The following PDE7B variants were observed in gnomAD, a reference collection of about 807,000 sequenced individuals.
The protein encoded by PDE7B is phosphodiesterase 7B.
Under a neutral mutation model 56.2 loss-of-function variants are expected in PDE7B, and 29 were observed. That is an observed-to-expected ratio of 0.52 (90% CI 0.38 to 0.70). The LOEUF is 0.70. PDE7B is among the 30% of genes least tolerant of loss of function. The pLI is 0.00. For synonymous variants in PDE7B, 197 were observed against 196.9 expected, an observed-to-expected ratio of 1.00 and a Z score of 0.00; for missense variants, 490 against 565.0, an observed-to-expected ratio of 0.87 and a Z score of 1.35.
intron 2 of PDE7B, among the ~76,000 whole-genome samples, chr6:136,103,086 C>T (rs539939354): frequency 8.5e-5 from 13 of 152,250 alleles, no homozygotes; most frequent in African/African-American, 2.9e-4. Flanking sequence ...TGCCTCTTTC[C>T]TACATACAAA....
chr6:135,928,453 TTATA>T (rs1171803694), intron 1 of PDE7B, among the ~76,000 whole-genome samples: 1 of 105,266 alleles, frequency 9.5e-6, no homozygotes, highest in Non-Finnish European at 1.9e-5. Flanking sequence ...ATATATTTAT[TTATA>T]TATATATTTA....
chr6:136,168,236 G>A (rs1276942794), intron 8 of PDE7B, among the ~76,000 whole-genome samples: 1 of 152,140 alleles, frequency 6.6e-6, no homozygotes, highest in African/African-American at 2.4e-5. Context: ...GAAAGGAGAG[G>A]TAAAGGTATT....
At chr6:136,076,010 A>G (rs1777122756) in intron 2 of PDE7B, among the ~76,000 whole-genome samples, 2 of 152,214 alleles carry the variant, frequency 1.3e-5, no homozygotes, top group Admixed American at 1.3e-4. Context: ...CTTTGATAGA[A>G]TAACAGTAAA....
chr6:136,060,161 C>T (rs1242832008), intron 2 of PDE7B, among the ~76,000 whole-genome samples: 1 of 152,228 alleles, frequency 6.6e-6, no homozygotes, highest in East Asian at 1.9e-4. Context: ...CCTCCTTCTT[C>T]TTTAGCTAAT....
chr6:135,947,148 TAATA>T (rs1452681486), intron 1 of PDE7B, among the ~76,000 whole-genome samples: 4 of 152,124 alleles, frequency 2.6e-5, no homozygotes, highest in African/African-American at 4.8e-5. Context: ...TTATTGGGCC[TAATA>T]GATTGCATAT....
chr6:136,098,786 T>TA lies in PDE7B; in HGVS notation c.83-9945_83-9944insA, dbSNP rs1180853617. Among the ~76,000 whole-genome samples the TA allele has an allele frequency of 7.9e-5, 12 of 152,052 alleles. No homozygotes were observed. In the East Asian group the frequency reaches 1.2e-3, roughly 15 times the overall value. On this transcript the variant is annotated intron_variant, in intron 2 of 12. Coordinates refer to ENST00000308191, the MANE Select transcript of PDE7B (RefSeq NM_018945.4). ...TCCTCACCTACTTTTCTTTTTTTTT[T>TA]TTATTATTCTTAAAGTTCTAGGGTA...
intron 3 of PDE7B, among the ~76,000 whole-genome samples, chr6:136,142,720 T>C (rs1020733438): frequency 1.2e-4 from 19 of 152,208 alleles, no homozygotes; most frequent in Non-Finnish European, 2.2e-4. Context: ...TTTCTTTGTC[T>C]CTTTTGATCT....
chr6:136,155,508 G>C (rs1318429586), intron 7 of PDE7B, 119 bp from the exon 8 acceptor site: 1 of 808,906 alleles, frequency 1.2e-6, no homozygotes, highest in Admixed American at 2.3e-5. Context: ...AAGGGTAAAG[G>C]TCTGGCTGAT....
At chr6:136,052,544 G>C (rs1314379059) in intron 2 of PDE7B, among the ~76,000 whole-genome samples, 1 of 151,908 alleles carries the variant, frequency 6.6e-6, no homozygotes, top group Non-Finnish European at 1.5e-5. Context: ...CCATGGAAGA[G>C]TGCAGCCATG....
intron 2 of PDE7B, among the ~76,000 whole-genome samples, chr6:136,083,638 G>C (rs971237728): frequency 6.6e-6 from 1 of 152,146 alleles, no homozygotes; most frequent in African/African-American, 2.4e-5. Context: ...GTTTGGAAAA[G>C]ATATTTTGAA....
intron 2 of PDE7B, among the ~76,000 whole-genome samples, chr6:135,998,653 G>A (rs1204611129): frequency 1.3e-5 from 2 of 152,150 alleles, no homozygotes; most frequent in Non-Finnish European, 2.9e-5. Flanking sequence ...CTACTCAGGA[G>A]GCTGAGGCAG....
At chr6:135,961,595 G>A (rs1774903728) in intron 2 of PDE7B, among the ~76,000 whole-genome samples, 2 of 152,022 alleles carry the variant, frequency 1.3e-5, no homozygotes, top group Non-Finnish European at 2.9e-5. Flanking sequence ...GATTATCCAT[G>A]AGCATTAAAG....
rs1583862449 is a variant in PDE7B, at chr6:136,067,972, A to G, written c.83-40759A>G. 3.9e-5 allele frequency among the ~76,000 whole-genome samples: 6 copies of G among 152,356 alleles called. No homozygotes were observed. The East Asian group carries it at 1.2e-3, about 29-fold the overall frequency. On this transcript the variant is annotated intron_variant, in intron 2 of 12. Transcript: ENST00000308191. ...GAATTTCTGGTTCTTGATTTCCTTCAGAAGAAAAAAATGAAATGCCACCTG... is the reference window on the plus strand; with the variant it reads ...GAATTTCTGGTTCTTGATTTCCTTCGGAAGAAAAAAATGAAATGCCACCTG...
chr6:136,169,526 G>A (rs1008270631), intron 8 of PDE7B, among the ~76,000 whole-genome samples: 1 of 152,096 alleles, frequency 6.6e-6, no homozygotes, highest in African/African-American at 2.4e-5. Flanking sequence ...CCATGCTTAA[G>A]GCCATCTTCC....
At chr6:135,890,124 T>C (rs1775785210) in intron 1 of PDE7B, among the ~76,000 whole-genome samples, 1 of 152,184 alleles carries the variant, frequency 6.6e-6, no homozygotes, top group African/African-American at 2.4e-5. Context: ...GTTTGATGTA[T>C]ATAATTATTT....
chr6:136,000,450 T>G (rs1331783016), intron 2 of PDE7B, among the ~76,000 whole-genome samples: 1 of 152,210 alleles, frequency 6.6e-6, no homozygotes. Flanking sequence ...AGTAGTCCAG[T>G]TTTAATCTTC....
intron 8 of PDE7B, among the ~76,000 whole-genome samples, chr6:136,169,020 C>T (rs111783070): frequency 3.9e-5 from 6 of 152,202 alleles, no homozygotes; most frequent in African/African-American, 1.4e-4. Flanking sequence ...GGGCTGTATG[C>T]AGAGCTTAGG....
At chr6:136,026,681 T>C (rs2128208624) in intron 2 of PDE7B, among the ~76,000 whole-genome samples, 1 of 152,328 alleles carries the variant, frequency 6.6e-6, no homozygotes, top group Non-Finnish European at 1.5e-5. Context: ...ATTACTTTCA[T>C]AGGAGATCAT....
At chr6:135,892,434 T>G (rs1775825416) in intron 1 of PDE7B, among the ~76,000 whole-genome samples, 1 of 152,186 alleles carries the variant, frequency 6.6e-6, no homozygotes. Context: ...ATCAAAAAGT[T>G]ATTTGATCCA....
Sources: allele counts gnomAD v4.1 joint callset (sites outside exome capture counted in the v4.1 genomes callset), GRCh38; gene constraint gnomAD v4.1.1; transcripts MANE v1.5; gene names NCBI Gene and HGNC (gene_info 2026-07-23, HGNC 2026-07-21).